The following HIPK3 variants were observed in gnomAD, a reference collection of about 807,000 sequenced individuals.
HIPK3 encodes the protein homeodomain interacting protein kinase 3.
HIPK3 carries 47 observed loss-of-function variants against 124.2 expected under a neutral mutation model. That is an observed-to-expected ratio of 0.38 (90% confidence interval 0.30 to 0.48). The LOEUF is 0.48. HIPK3 is among the 20% of genes least tolerant of loss of function. The probability of loss-of-function intolerance (pLI) is 0.98; values close to 1 mark genes in which losing one functional copy is unlikely to be tolerated. For missense variants in HIPK3, 1,286 were observed against 1,454.3 expected, an observed-to-expected ratio of 0.88 and a Z score of 1.88; for synonymous variants, 482 against 515.2, an observed-to-expected ratio of 0.94 and a Z score of 0.87.
chr11:33,330,866 A>G lies in HIPK3; in HGVS notation c.1221+2233A>G, dbSNP rs114554106. ...TTTTTGCACTTGTTAAAATGTTCAC[A>G]TATGTTTTTCTTTTTTCTTTTTCTT... is the stretch of plus-strand genomic sequence containing the variant. On this transcript the variant is annotated intron_variant, in intron 3 of 16. Coordinates refer to ENST00000303296, the MANE Select transcript of HIPK3 (RefSeq NM_005734.5). 3.4e-3 allele frequency among the ~76,000 whole-genome samples: 506 copies of G among 148,630 alleles called. 1 individual carries two copies. The highest frequency in any genetic ancestry group is 0.012 in the African/African-American group (482 of 40,314).
At chr11:33,274,335 A>T (rs1851215682) in intron 1 of HIPK3, among the ~76,000 whole-genome samples, 2 of 152,134 alleles carry the variant, frequency 1.3e-5, no homozygotes, top group South Asian at 4.1e-4. Flanking sequence ...AGTTACATAG[A>T]TTTTCATAAG....
At chr11:33,270,343 CTG>C (rs1009097664) in intron 1 of HIPK3, among the ~76,000 whole-genome samples, 6 of 151,698 alleles carry the variant, frequency 4.0e-5, no homozygotes. Context: ...GAGACGGAGT[CTG>C]TCACCCAGGC....
chr11:33,259,036 C>T (rs1850753142), intron 1 of HIPK3, among the ~76,000 whole-genome samples: 1 of 152,116 alleles, frequency 6.6e-6, no homozygotes, highest in Non-Finnish European at 1.5e-5. Flanking sequence ...AACCAGTCTG[C>T]GTGTGCTTTT....
chr11:33,299,209 C>T (rs528265219), intron 2 of HIPK3, among the ~76,000 whole-genome samples: 6 of 151,616 alleles, frequency 4.0e-5, no homozygotes, highest in African/African-American at 9.7e-5. Context: ...CGCGGTGGCT[C>T]ACGCCTGTAA....
chr11:33,353,381 T>A lies in HIPK3; in HGVS notation c.3461T>A (p.Ile1154Asn), dbSNP rs1295338592. ...RPMLQHPTYNISHPSGIVHQV... is the reference protein window; with the variant it reads ...RPMLQHPTYNNSHPSGIVHQV... ...ATGTTACAGCATCCAACTTATAATATCTCCCATCCCAGTGGCATAGTTCAC... is the reference window on the plus strand; with the variant it reads ...ATGTTACAGCATCCAACTTATAATAACTCCCATCCCAGTGGCATAGTTCAC... Residue 1154 changes from isoleucine to asparagine, a missense_variant, in exon 17 of 17, where the codon ATC becomes AAC. Coordinates refer to ENST00000303296, the MANE Select transcript of HIPK3 (RefSeq NM_005734.5). 6.2e-7 allele frequency: 1 copy of A among 1,614,112 alleles called. No individual in the cohort carries two copies. Among genetic ancestry groups the A allele is most frequent in the East Asian group, 2.2e-5 (1 of 44,878 alleles).
chr11:33,333,065 C>T (rs1298092817), intron 3 of HIPK3, among the ~76,000 whole-genome samples: 1 of 152,084 alleles, frequency 6.6e-6, no homozygotes, highest in Non-Finnish European at 1.5e-5. Flanking sequence ...GGTATCGGCC[C>T]CTATTACCCA....
chr11:33,330,005 G>A (rs537222465), intron 3 of HIPK3, among the ~76,000 whole-genome samples: 2 of 152,262 alleles, frequency 1.3e-5, no homozygotes, highest in East Asian at 3.9e-4. Flanking sequence ...ACTGATATTA[G>A]TATTGAAAAG....
At chr11:33,257,262 C>G, upstream of HIPK3, 1 of 983,446 alleles carries the variant, frequency 1.0e-6, no homozygotes, top group Non-Finnish European at 1.2e-6. Flanking sequence ...GGCGCCGCGG[C>G]CGGAGCGGAG....
chr11:33,265,927 CA>C (rs1198338107), intron 1 of HIPK3, among the ~76,000 whole-genome samples: 5 of 149,616 alleles, frequency 3.3e-5, no homozygotes, highest in African/African-American at 1.2e-4. Flanking sequence ...CTACTAAAAA[CA>C]AAAAAATTAG....
intron 8 of HIPK3, 71 bp downstream of exon 8, chr11:33,341,757 C>A: frequency 7.3e-7 from 1 of 1,365,252 alleles, no homozygotes; most frequent in Non-Finnish European, 1.0e-6. Flanking sequence ...GGAATCTGTT[C>A]ATTAAATATA....
chr11:33,313,947 A>G (rs576730479), intron 2 of HIPK3, among the ~76,000 whole-genome samples: 43 of 152,104 alleles, frequency 2.8e-4, no homozygotes, highest in African/African-American at 9.4e-4. Context: ...AGCTCATGCA[A>G]TCCTCCTGCC....
At chr11:33,311,532 C>T (rs1029650748) in intron 2 of HIPK3, among the ~76,000 whole-genome samples, 4 of 151,928 alleles carry the variant, frequency 2.6e-5, no homozygotes, top group South Asian at 2.1e-4. Flanking sequence ...GTTTTAGGTT[C>T]GCAGAAAAAC....
chr11:33,264,195 T>G (rs945502113), intron 1 of HIPK3, among the ~76,000 whole-genome samples: 1 of 151,854 alleles, frequency 6.6e-6, no homozygotes, highest in Non-Finnish European at 1.5e-5. Context: ...ACACTTAAAG[T>G]GGATATTTAG....
At chr11:33,297,090 G>T (rs1486420880) in intron 2 of HIPK3, among the ~76,000 whole-genome samples, 1 of 115,784 alleles carries the variant, frequency 8.6e-6, no homozygotes, top group Non-Finnish European at 1.8e-5. Flanking sequence ...ATATGGAAAA[G>T]ATTTTTTTTT....
At chr11:33,279,868 A>C (rs1462086729) in intron 1 of HIPK3, among the ~76,000 whole-genome samples, 2 of 152,042 alleles carry the variant, frequency 1.3e-5, no homozygotes, top group African/African-American at 4.8e-5. Flanking sequence ...ACGTGGTAGA[A>C]GGGGTGAACA....
At chr11:33,291,637 G>A (rs1385461058) in intron 2 of HIPK3, among the ~76,000 whole-genome samples, 2 of 152,190 alleles carry the variant, frequency 1.3e-5, no homozygotes, top group East Asian at 3.8e-4. Context: ...TCAAGAACAC[G>A]TAGGGCTCTT....
In HIPK3 at chr11:33,351,959, G is replaced by A. The variant is rs1016374545; in HGVS notation, c.3043+116G>A. ...GAATTTTGACTTGACCCTGCCTTATGTATTGTACAGAGGAAATCTTCTAGT... is the reference window on the plus strand; with the variant it reads ...GAATTTTGACTTGACCCTGCCTTATATATTGTACAGAGGAAATCTTCTAGT... On this transcript the variant is annotated intron_variant, in intron 15 of 16. Coordinates refer to ENST00000303296, the MANE Select transcript of HIPK3 (RefSeq NM_005734.5). 8.9e-6 allele frequency: 9 copies of A among 1,009,336 alleles called. No homozygotes were observed. The African/African-American group carries it at 1.1e-4, about 13-fold the overall frequency. The allele number at this position is 1,009,336 out of a possible 1,614,324, so 62.5% of individuals were successfully genotyped here.
intron 16 of HIPK3, 25 bp from the exon 17 acceptor site, chr11:33,353,067 A>ATTTTTTTTTT: frequency 6.7e-6 from 7 of 1,041,674 alleles, no homozygotes; most frequent in Non-Finnish European, 8.1e-6. Context: ...TTATTCAGTC[A>ATTTTTTTTTT]TTTTTTTTTT....
At chr11:33,341,209 T>C in intron 7 of HIPK3, 82 bp downstream of exon 7, 1 of 1,005,548 alleles carries the variant, frequency 9.9e-7, no homozygotes, top group East Asian at 2.6e-5. Context: ...AGAAGTTTGG[T>C]GTCAGTTGTT....
Sources: allele counts gnomAD v4.1 joint callset (sites outside exome capture counted in the v4.1 genomes callset), GRCh38; gene constraint gnomAD v4.1.1; transcripts MANE v1.5; gene names NCBI Gene and HGNC (gene_info 2026-07-23, HGNC 2026-07-21).